Variants in THAP5 observed in about 807,000 individuals in gnomAD.
The protein encoded by THAP5 is THAP domain-containing protein 5.
Under a neutral mutation model 34.0 loss-of-function variants are expected in THAP5, and 26 were observed. That is an observed-to-expected ratio of 0.77 (90% CI 0.56 to 1.06). The LOEUF (loss-of-function observed/expected upper bound fraction) is 1.06. Ranked by LOEUF, THAP5 falls within the 50% of genes least tolerant of loss-of-function variation. The pLI is 0.00. For missense variants in THAP5, 394 were observed against 452.8 expected (o/e 0.87, Z 1.18); for synonymous variants, 125 against 153.0 (o/e 0.82, Z 1.35).
chr7:108,548,893 G>A, the THAP5 span, among the ~76,000 whole-genome samples: 1 of 152,092 alleles, frequency 6.6e-6, no homozygotes, highest in African/African-American at 2.4e-5. Flanking sequence ...TATCAGTCCT[G>A]AAGGATGAAT....
chr7:108,561,766 C>A (rs1032877784), downstream of THAP5, among the ~76,000 whole-genome samples: 3 of 152,156 alleles, frequency 2.0e-5, no homozygotes, highest in Non-Finnish European at 4.4e-5. Flanking sequence ...ATAATCAAGT[C>A]TGTCCAATCG....
At chr7:108,546,237 T>C in the THAP5 span, among the ~76,000 whole-genome samples, 2 of 152,210 alleles carry the variant, frequency 1.3e-5, no homozygotes, top group Non-Finnish European at 2.9e-5. Context: ...TGTAAAAATT[T>C]GAGGGCTTGC....
At chr7:108,551,690 C>T (rs1390517470), downstream of THAP5, among the ~76,000 whole-genome samples, 2 of 152,216 alleles carry the variant, frequency 1.3e-5, no homozygotes, top group African/African-American at 4.8e-5. Flanking sequence ...CCCTGAGTTT[C>T]ACTGTACAGC....
At chr7:108,565,724 ATC>A (rs1790471698) in intron 2 of THAP5, 104 bp downstream of exon 2, 1 of 847,856 alleles carries the variant, frequency 1.2e-6, no homozygotes, top group Non-Finnish European at 1.7e-6. Flanking sequence ...TTTTCCAAGT[ATC>A]TGTTTACCCA....
chr7:108,550,871 G>A (rs1445440864), downstream of THAP5, among the ~76,000 whole-genome samples: 1 of 152,102 alleles, frequency 6.6e-6, no homozygotes, highest in African/African-American at 2.4e-5. Context: ...TGGGCTTTAC[G>A]GCTTCAACAC....
Position 108,563,537 on chromosome 7 carries a change from C to CAAAAAAAAAAAAAAAAAAAAAAAAAAA in THAP5, c.*627_*653dup, listed in dbSNP as rs869034514. ...TGGGTTACAGAGTGAGACTCCATCT[C>CAAAAAAAAAAAAAAAAAAAAAAAAAAA]AAAAAAAAAAAAAAAAAAAAAAAAA... On this transcript the variant is annotated 3_prime_UTR_variant, in exon 3 of 3. Transcript: ENST00000415914. 1 of 68,468 alleles carries CAAAAAAAAAAAAAAAAAAAAAAAAAAA rather than the reference C, an allele frequency of 1.5e-5. No individual in the cohort carries two copies. Among genetic ancestry groups the CAAAAAAAAAAAAAAAAAAAAAAAAAAA allele is most frequent in the Non-Finnish European group, 2.6e-5 (1 of 38,762 alleles). The allele number at this position is 68,468 out of a possible 1,614,324, so 4.2% of individuals were successfully genotyped here.
At chr7:108,544,650 A>G in the THAP5 span, among the ~76,000 whole-genome samples, 1 of 151,062 alleles carries the variant, frequency 6.6e-6, no homozygotes, top group East Asian at 1.9e-4. Context: ...TTCTTTAGTA[A>G]TTAATTAATT....
the THAP5 span, among the ~76,000 whole-genome samples, chr7:108,543,174 G>A: frequency 6.6e-5 from 10 of 152,034 alleles, no homozygotes; most frequent in East Asian, 1.4e-3. Context: ...TGATCCGCCC[G>A]CCTCAGCCTC....
At chr7:108,557,565 G>A (rs1261802369), downstream of THAP5, among the ~76,000 whole-genome samples, 2 of 152,202 alleles carry the variant, frequency 1.3e-5, no homozygotes, top group African/African-American at 4.8e-5. Flanking sequence ...AGCATAGCAA[G>A]AGTGACCTTT....
chr7:108,542,016 G>C, the THAP5 span, among the ~76,000 whole-genome samples: 1 of 152,040 alleles, frequency 6.6e-6, no homozygotes, highest in Admixed American at 6.5e-5. Flanking sequence ...GCAGCACCTT[G>C]AACACAAAAA....
At chr7:108,557,842 T>C (rs939741026), downstream of THAP5, among the ~76,000 whole-genome samples, 1 of 152,236 alleles carries the variant, frequency 6.6e-6, no homozygotes, top group Non-Finnish European at 1.5e-5. Context: ...ATTAGTCTGT[T>C]CTCACACTGC....
At chr7:108,556,073 T>C (rs1411814287) in intron 1 of THAP5, among the ~76,000 whole-genome samples, 1 of 152,132 alleles carries the variant, frequency 6.6e-6, no homozygotes, top group Non-Finnish European at 1.5e-5. Context: ...CAACCAGATC[T>C]CGTGAAAACT....
Position 108,563,874 on chromosome 7 carries a change from G to A in THAP5, c.*317C>T, listed in dbSNP as rs1790414686. 1.1e-5 allele frequency: 2 copies of A among 189,196 alleles called. No homozygotes were observed. The highest frequency in any genetic ancestry group is 1.1e-4 in the Admixed American group (2 of 18,218). 11.7% of individuals were successfully genotyped at this position (189,196 alleles called of 1,614,324 possible). A position where few individuals can be genotyped will look rare whatever the true frequency, so the allele number is the denominator to read the frequency against. On this transcript the variant is annotated 3_prime_UTR_variant, in exon 3 of 3. Transcript: ENST00000415914. ...AGTCATATGCCAGTGGTAGAACCAGGACTGATTCCTGAACCTGACTTCTAG... is the reference window on the plus strand; with the variant it reads ...AGTCATATGCCAGTGGTAGAACCAGAACTGATTCCTGAACCTGACTTCTAG...
chr7:108,558,377 G>GTGTGTATA (rs1401164750), downstream of THAP5, among the ~76,000 whole-genome samples: 33 of 63,008 alleles, frequency 5.2e-4, no homozygotes, highest in African/African-American at 2.2e-3. Context: ...ATGTGTGTGT[G>GTGTGTATA]TATGTATATA....
downstream of THAP5, among the ~76,000 whole-genome samples, chr7:108,557,825 T>C (rs377187906): frequency 2.6e-5 from 4 of 152,168 alleles, no homozygotes; most frequent in East Asian, 7.7e-4. Flanking sequence ...TGGTACCAAT[T>C]TTCTGTATTA....
chr7:108,564,126 T>C lies in THAP5; in HGVS notation c.*65A>G. On this transcript the variant is annotated 3_prime_UTR_variant, in exon 3 of 3. Coordinates refer to ENST00000415914, the MANE Select transcript of THAP5 (RefSeq NM_001130475.3). ...ACTTTATACAGGAAACAGTTCACTT[T>C]ACATGTAGTTTGGTTTGGCTGGAAA... The C allele has an allele frequency of 7.7e-7, 1 of 1,301,324 alleles. No homozygotes were observed. Among genetic ancestry groups the C allele is most frequent in the Non-Finnish European group, 1.1e-6 (1 of 945,138 alleles). 80.6% of individuals were successfully genotyped at this position (1,301,324 alleles called of 1,614,324 possible).
chr7:108,549,776 C>T (rs1463606731), downstream of THAP5, among the ~76,000 whole-genome samples: 1 of 152,098 alleles, frequency 6.6e-6, no homozygotes, highest in Non-Finnish European at 1.5e-5. Context: ...AGTGAGTTTC[C>T]TCTCCAGATA....
intron 2 of THAP5, chr7:108,565,322 A>G (rs1020245796): frequency 8.2e-6 from 3 of 366,340 alleles, no homozygotes; most frequent in Non-Finnish European, 1.4e-5. Flanking sequence ...AGACTAGTAT[A>G]TTGGGAGGCC....
rs1434949655 is a variant in THAP5, at chr7:108,566,010, A to G, written c.93T>C (p.His31=). Residue 31 remains histidine (H), a synonymous_variant, in exon 2 of 3, where the codon CAT becomes CAC. Transcript: ENST00000415914. The part of the protein sequence containing the change: ...RKLSFYPFPL[H]DKERLEKWLK... ...ACCACTTTTCCAGTCTTTCTTTGTC[A>G]TGTAGAGGAAATCTGGAATTTAAAA... The G allele has an allele frequency of 4.0e-6, 6 of 1,508,166 alleles. No individual in the cohort carries two copies. Among genetic ancestry groups the G allele is most frequent in the Non-Finnish European group, 5.3e-6 (6 of 1,133,842 alleles). 93.4% of individuals were successfully genotyped at this position (1,508,166 alleles called of 1,614,324 possible). A position where few individuals can be genotyped will look rare whatever the true frequency, so the allele number is the denominator to read the frequency against.
Sources: allele counts gnomAD v4.1 joint callset (sites outside exome capture counted in the v4.1 genomes callset), GRCh38; gene constraint gnomAD v4.1.1; transcripts MANE v1.5; gene names NCBI Gene and HGNC (gene_info 2026-07-23, HGNC 2026-07-21).